Variants in LCLAT1 observed in about 807,000 individuals in gnomAD.
The protein encoded by LCLAT1 is lysocardiolipin acyltransferase 1.
Under a neutral mutation model 30.7 loss-of-function variants are expected in LCLAT1, and 11 were observed. That is an observed-to-expected ratio of 0.36 (90% CI 0.23 to 0.59). The LOEUF (loss-of-function observed/expected upper bound fraction) is 0.59. LCLAT1 is among the 20% of genes least tolerant of loss of function. The probability of loss-of-function intolerance (pLI) is 0.77; values close to 1 mark genes in which losing one functional copy is unlikely to be tolerated. For synonymous variants in LCLAT1, 155 were observed against 151.3 expected (o/e 1.02, Z -0.18); for missense variants, 402 against 458.6 (o/e 0.88, Z 1.13).
chr2:30,569,053 A>G (rs1189079365), intron 5 of LCLAT1, among the ~76,000 whole-genome samples: 1 of 152,146 alleles, frequency 6.6e-6, no homozygotes, highest in Non-Finnish European at 1.5e-5. Flanking sequence ...TAGGAAGGCA[A>G]GTGCCACTAC....
At chr2:30,617,801 A>G (rs1425368387) in intron 5 of LCLAT1, among the ~76,000 whole-genome samples, 1 of 152,096 alleles carries the variant, frequency 6.6e-6, no homozygotes, top group Non-Finnish European at 1.5e-5. Context: ...TTCACTGGTG[A>G]TATGTTAATT....
Position 30,604,660 on chromosome 2 carries a change from C to CAAAAA in LCLAT1, c.629-35438_629-35434dup, listed in dbSNP as rs71405526. ...TTGGCGACAGAGTGAGACTCCGTCT[C>CAAAAA]AAAAAAAAAAAAAAAAAAAAAAAGT... On this transcript the variant is annotated intron_variant, in intron 5 of 5. Coordinates refer to ENST00000379509, the MANE Select transcript of LCLAT1 (RefSeq NM_001002257.3). Among the ~76,000 whole-genome samples the CAAAAA allele has an allele frequency of 8.3e-5, 8 of 95,866 alleles. 1 individual carries two copies. The highest frequency in any genetic ancestry group is 1.2e-4 in the Admixed American group (1 of 8,292). 62.9% of individuals were successfully genotyped at this position (95,866 alleles called of 152,430 possible).
chr2:30,639,373 C>A (rs72798186), intron 5 of LCLAT1, among the ~76,000 whole-genome samples: 62,958 of 122,722 alleles, frequency 0.51, 13,952 homozygotes, highest in East Asian at 0.77. Context: ...GCATCTAGCA[C>A]TCTGGCCTGT....
At chr2:30,486,349 A>G (rs75724896) in intron 1 of LCLAT1, among the ~76,000 whole-genome samples, 10 of 152,294 alleles carry the variant, frequency 6.6e-5, no homozygotes, top group Non-Finnish European at 1.0e-4. Flanking sequence ...TATTAACAAG[A>G]TATGTACTTG....
At chr2:30,633,123 C>A (rs1216246413) in intron 5 of LCLAT1, among the ~76,000 whole-genome samples, 1 of 152,172 alleles carries the variant, frequency 6.6e-6, no homozygotes. Context: ...TGTACTGTTA[C>A]ATGTCCATGT....
intron 5 of LCLAT1, among the ~76,000 whole-genome samples, chr2:30,579,545 C>A (rs1666126953): frequency 6.6e-6 from 1 of 152,016 alleles, no homozygotes; most frequent in Admixed American, 6.6e-5. Context: ...GAGTAGAAAA[C>A]AGTTGTGGTG....
Position 30,640,214 on chromosome 2 carries a change from A to T in LCLAT1, c.726A>T (p.Glu242Asp). ...TCCTCCAAGGAGACTTTCCCAGGGA[A>T]ATCCACTTTCACGTCCACCGGTATC... ...KHLLQGDFPR[E>D]IHFHVHRYPI... is the part of the protein sequence containing the mutation. Residue 242 changes from glutamate (E) to aspartate (D), a missense_variant, in exon 6 of 6, where the codon GAA becomes GAT. By Grantham distance (45) the Glu-to-Asp change is conservative (BLOSUM62 2). Coordinates refer to ENST00000379509, the MANE Select transcript of LCLAT1 (RefSeq NM_001002257.3). The T allele has an allele frequency of 6.2e-7, 1 of 1,614,124 alleles. No homozygotes were observed. Among genetic ancestry groups the T allele is most frequent in the Non-Finnish European group, 8.5e-7 (1 of 1,179,954 alleles).
chr2:30,555,855 T>G (rs1197686958), intron 3 of LCLAT1, among the ~76,000 whole-genome samples: 1 of 122,896 alleles, frequency 8.1e-6, no homozygotes, highest in South Asian at 2.4e-4. Context: ...TTTTTTTTTT[T>G]GAGATAGAGT....
intron 5 of LCLAT1, among the ~76,000 whole-genome samples, chr2:30,591,937 A>G (rs1300276049): frequency 1.3e-5 from 2 of 152,038 alleles, no homozygotes; most frequent in Non-Finnish European, 2.9e-5. Context: ...TATCTTCTAC[A>G]TTTTTACACT....
chr2:30,635,077 G>C (rs184002391), intron 5 of LCLAT1, among the ~76,000 whole-genome samples: 2 of 152,202 alleles, frequency 1.3e-5, no homozygotes, highest in Admixed American at 1.3e-4. Context: ...TTTGTGTTTG[G>C]AGATATTTAC....
rs983076159 is a variant in LCLAT1, at chr2:30,567,018, T to C, written c.512-1042T>C. Among the ~76,000 whole-genome samples the C allele has an allele frequency of 5.9e-5, 9 of 152,206 alleles. No homozygotes were observed. In the South Asian group the frequency reaches 1.4e-3, roughly 25 times the overall value. On this transcript the variant is annotated intron_variant, in intron 4 of 5. Transcript: ENST00000379509. ...AGCAAGGCAGATATTTCAGTTCACA[T>C]TGAAGGCCTAAATTATTGGATTTTA... is the stretch of plus-strand genomic sequence containing the variant.
intron 1 of LCLAT1, among the ~76,000 whole-genome samples, chr2:30,467,785 G>C (rs1370178063): frequency 1.3e-5 from 2 of 152,160 alleles, no homozygotes; most frequent in Non-Finnish European, 2.9e-5. Context: ...TGATGGGGTT[G>C]TTTGATTTTT....
intron 1 of LCLAT1, among the ~76,000 whole-genome samples, chr2:30,452,140 G>T (rs1035192641): frequency 6.6e-6 from 1 of 152,146 alleles, no homozygotes; most frequent in Non-Finnish European, 1.5e-5. Flanking sequence ...ATGTTGAGAT[G>T]TGTGGTGGTT....
chr2:30,621,572 CA>C (rs749416151), intron 5 of LCLAT1, among the ~76,000 whole-genome samples: 1 of 152,102 alleles, frequency 6.6e-6, no homozygotes, highest in Non-Finnish European at 1.5e-5. Flanking sequence ...TTGATGGAAG[CA>C]GCTTGCTACT....
At chr2:30,555,719 A>T (rs902808122) in intron 3 of LCLAT1, among the ~76,000 whole-genome samples, 2 of 152,116 alleles carry the variant, frequency 1.3e-5, no homozygotes, top group Admixed American at 6.5e-5. Context: ...GTTTAAATAC[A>T]TTTGTCAAAA....
intron 5 of LCLAT1, among the ~76,000 whole-genome samples, chr2:30,608,940 G>A (rs1325024817): frequency 1.4e-4 from 22 of 151,882 alleles, no homozygotes; most frequent in Non-Finnish European, 7.4e-5. Context: ...AATGCACAAG[G>A]GTGCCTGTTT....
At chr2:30,612,876 T>C (rs1667807257) in intron 5 of LCLAT1, among the ~76,000 whole-genome samples, 2 of 152,006 alleles carry the variant, frequency 1.3e-5, no homozygotes, top group Admixed American at 1.3e-4. Context: ...CTGAGCTCAC[T>C]GAAGCAGCAC....
At chr2:30,550,232 A>G (rs182761125) in intron 3 of LCLAT1, among the ~76,000 whole-genome samples, 1 of 152,208 alleles carries the variant, frequency 6.6e-6, no homozygotes. Flanking sequence ...GAATTTTCCT[A>G]TCTTTTTCAC....
intron 1 of LCLAT1, among the ~76,000 whole-genome samples, chr2:30,489,514 A>C (rs1683731328): frequency 6.6e-6 from 1 of 151,914 alleles, no homozygotes; most frequent in African/African-American, 2.4e-5. Flanking sequence ...TGCCATGCCC[A>C]GCTGATTTTT....
Sources: gnomAD v4.1 joint callset for allele counts (sites outside exome capture counted in the v4.1 genomes callset) on GRCh38, gnomAD v4.1.1 for gene constraint, MANE v1.5 for transcripts, NCBI Gene and HGNC (gene_info 2026-07-23, HGNC 2026-07-21) for gene names.